Variants in CCSER1 observed in about 807,000 individuals in gnomAD.
CCSER1 encodes the protein serine-rich coiled-coil domain-containing protein 1.
A neutral mutation model predicts 82.0 loss-of-function variants in CCSER1; 41 were observed. That is an observed-to-expected ratio of 0.50 (90% CI 0.39 to 0.65). CCSER1 has a LOEUF of 0.65. CCSER1 is among the 30% of genes least tolerant of loss of function. The pLI, the probability that CCSER1 is intolerant of heterozygous loss-of-function variation, is 0.00. For missense variants in CCSER1, 1,119 were observed against 1,064.2 expected, an observed-to-expected ratio of 1.05 and a Z score of -0.72; for synonymous variants, 414 against 383.9, an observed-to-expected ratio of 1.08 and a Z score of -0.92.
At chr4:90,343,305 A>G (rs945717114) in intron 3 of CCSER1, among the ~76,000 whole-genome samples, 2 of 152,098 alleles carry the variant, frequency 1.3e-5, no homozygotes, top group African/African-American at 4.8e-5. Context: ...CATTACCTAA[A>G]TTCAGGGCCC....
intron 10 of CCSER1, among the ~76,000 whole-genome samples, chr4:91,162,237 T>C (rs972951802): frequency 4.6e-5 from 7 of 152,216 alleles, no homozygotes; most frequent in Non-Finnish European, 1.0e-4. Context: ...TTATGTTTAT[T>C]GATTTGCATA....
At chr4:91,293,653 T>C (rs1201853511) in intron 10 of CCSER1, among the ~76,000 whole-genome samples, 2 of 151,996 alleles carry the variant, frequency 1.3e-5, no homozygotes, top group Non-Finnish European at 2.9e-5. Flanking sequence ...TTATTCTGTA[T>C]GTCTTTTTAA....
intron 8 of CCSER1, among the ~76,000 whole-genome samples, chr4:90,901,173 G>A (rs796092416): frequency 9.2e-5 from 14 of 151,734 alleles, no homozygotes; most frequent in African/African-American, 3.4e-4. Flanking sequence ...TTTGAGCCTA[G>A]GGCTGTCATT....
intron 10 of CCSER1, among the ~76,000 whole-genome samples, chr4:91,514,338 A>T (rs1203284594): frequency 6.6e-6 from 1 of 151,952 alleles, no homozygotes; most frequent in African/African-American, 2.4e-5. Flanking sequence ...TATGATTTTG[A>T]TTTTTTGCTT....
chr4:91,038,235 A>C (rs2150571439), intron 9 of CCSER1, among the ~76,000 whole-genome samples: 1 of 152,328 alleles, frequency 6.6e-6, no homozygotes, highest in South Asian at 2.1e-4. Flanking sequence ...TGGTGTAATA[A>C]ATTTTCATTA....
At chr4:90,914,419 A>C (rs533681856) in intron 8 of CCSER1, among the ~76,000 whole-genome samples, 3 of 152,330 alleles carry the variant, frequency 2.0e-5, no homozygotes, top group Middle Eastern at 3.4e-3. Context: ...AAATGAAGGC[A>C]GAAATAAAGA....
At chr4:91,187,111 G>A (rs562538368) in intron 10 of CCSER1, among the ~76,000 whole-genome samples, 2 of 152,208 alleles carry the variant, frequency 1.3e-5, no homozygotes, top group Non-Finnish European at 2.9e-5. Context: ...TGCTTCCCAG[G>A]TGAGGTGATG....
At chr4:91,220,097 G>C (rs1393186127) in intron 10 of CCSER1, among the ~76,000 whole-genome samples, 1 of 152,284 alleles carries the variant, frequency 6.6e-6, no homozygotes, top group East Asian at 1.9e-4. Context: ...GAAGAGCATA[G>C]GGTTTAATGA....
At chr4:91,101,382 A>G (rs763683489) in intron 10 of CCSER1, among the ~76,000 whole-genome samples, 1 of 152,226 alleles carries the variant, frequency 6.6e-6, no homozygotes, top group Non-Finnish European at 1.5e-5. Context: ...AGGTCAAAAG[A>G]ACTGATAAGA....
chr4:91,409,685 T>C (rs879742843), intron 10 of CCSER1, among the ~76,000 whole-genome samples: 1 of 152,126 alleles, frequency 6.6e-6, no homozygotes, highest in Non-Finnish European at 1.5e-5. Flanking sequence ...TCTTTGTCTT[T>C]TTCTTTTTTC....
intron 1 of CCSER1, among the ~76,000 whole-genome samples, chr4:90,144,916 CAA>C (rs2153343508): frequency 6.6e-6 from 1 of 152,064 alleles, no homozygotes; most frequent in South Asian, 2.1e-4. Flanking sequence ...GAAAACCAAC[CAA>C]AGAGATCAGC....
chr4:91,566,720 G>T lies in CCSER1; in HGVS notation c.2218-31852G>T, dbSNP rs147036744. Among the ~76,000 whole-genome samples, 102 of 151,990 alleles carry T rather than the reference G, an allele frequency of 6.7e-4. 1 individual carries two copies. In the East Asian group the frequency reaches 0.015, roughly 23 times the overall value. On this transcript the variant is annotated intron_variant, in intron 10 of 10. Transcript: ENST00000509176. ...TCTGATGGTTGTTTTTATTTCTGTG[G>T]GGTCAGTTGTAACATTTTCTTTATC...
At chr4:90,266,864 A>C (rs1263539566) in intron 1 of CCSER1, among the ~76,000 whole-genome samples, 1 of 152,062 alleles carries the variant, frequency 6.6e-6, no homozygotes, top group Non-Finnish European at 1.5e-5. Flanking sequence ...CACAGGGACT[A>C]CAAATCCTAG....
intron 3 of CCSER1, among the ~76,000 whole-genome samples, chr4:90,395,915 C>CAAA (rs57765593): frequency 9.8e-6 from 1 of 102,068 alleles, no homozygotes; most frequent in African/African-American, 3.3e-5. Context: ...ACTAAAAATA[C>CAAA]AAAAAAAAAA....
At chr4:90,758,865 GTATA>G (rs1481149380) in intron 7 of CCSER1, among the ~76,000 whole-genome samples, 3 of 152,176 alleles carry the variant, frequency 2.0e-5, no homozygotes, top group African/African-American at 7.2e-5. Context: ...ACAGAAGTTT[GTATA>G]TCTCATGGTG....
chr4:91,410,993 AATG>A (rs1752986881), intron 10 of CCSER1, among the ~76,000 whole-genome samples: 3 of 152,068 alleles, frequency 2.0e-5, no homozygotes, highest in Admixed American at 2.0e-4. Context: ...CCCCAACTAA[AATG>A]ATTATAGTTA....
chr4:90,439,291 A>G lies in CCSER1; in HGVS notation c.1604-28943A>G, dbSNP rs549400037. On this transcript the variant is annotated intron_variant, in intron 4 of 10. Transcript: ENST00000509176. ...TGACAGAGCAAGATTCCTTCTCCAA[A>G]AGGAAAACAAAACAAAACAAAAACA... Among the ~76,000 whole-genome samples the G allele has an allele frequency of 5.3e-5, 8 of 152,254 alleles. No individual in the cohort carries two copies. In the South Asian group the frequency reaches 1.7e-3, roughly 32 times the overall value.
chr4:91,158,099 A>G (rs1463923340), intron 10 of CCSER1, among the ~76,000 whole-genome samples: 2 of 151,978 alleles, frequency 1.3e-5, no homozygotes, highest in African/African-American at 2.4e-5. Context: ...GCTACATCAG[A>G]TGAAGTTTCA....
intron 8 of CCSER1, among the ~76,000 whole-genome samples, chr4:90,842,312 T>A (rs756379876): frequency 2.0e-5 from 3 of 152,246 alleles, no homozygotes; most frequent in Non-Finnish European, 2.9e-5. Context: ...GAAAGTGGTT[T>A]TTGTATGCTC....
Sources: gnomAD v4.1 joint callset for allele counts (sites outside exome capture counted in the v4.1 genomes callset) on GRCh38, gnomAD v4.1.1 for gene constraint, MANE v1.5 for transcripts, NCBI Gene and HGNC (gene_info 2026-07-23, HGNC 2026-07-21) for gene names.